The following PDE10A variants were observed in gnomAD, a reference collection of about 807,000 sequenced individuals.
PDE10A encodes the protein cAMP and cAMP-inhibited cGMP 3',5'-cyclic phosphodiesterase 10A.
A neutral mutation model predicts 97.7 loss-of-function variants in PDE10A; 39 were observed. That is an observed-to-expected ratio of 0.40 (90% CI 0.31 to 0.52). The LOEUF (loss-of-function observed/expected upper bound fraction) is 0.52, where lower values mean the gene tolerates loss of function less well. Among genes scored for constraint, PDE10A ranks in the 20% least tolerant of loss-of-function variants. The pLI, the probability that PDE10A is intolerant of heterozygous loss-of-function variation, is 0.56. For synonymous variants in PDE10A, 371 were observed against 376.8 expected (o/e 0.98, Z 0.18); for missense variants, 731 against 1,047.8 (o/e 0.70, Z 4.17).
At chr6:165,633,762 G>A (rs370143748) in intron 1 of PDE10A, among the ~76,000 whole-genome samples, 8 of 150,832 alleles carry the variant, frequency 5.3e-5, no homozygotes, top group African/African-American at 1.5e-4. Flanking sequence ...CGAGCAGCTG[G>A]GACTACAGGT....
chr6:165,948,302 G>T (rs541988684), intron 1 of PDE10A: 4 of 152,298 alleles, frequency 2.6e-5, no homozygotes, highest in African/African-American at 9.6e-5. Flanking sequence ...ATCAGGCAAA[G>T]AAAGTATAAA....
intron 1 of PDE10A, among the ~76,000 whole-genome samples, chr6:165,944,701 C>T (rs1783706548): frequency 6.6e-6 from 1 of 152,178 alleles, no homozygotes; most frequent in Admixed American, 6.5e-5. Context: ...AACTAACTGC[C>T]TGTGGTATGC....
intron 11 of PDE10A, among the ~76,000 whole-genome samples, chr6:165,417,687 T>C (rs2128229984): frequency 6.6e-6 from 1 of 152,180 alleles, no homozygotes; most frequent in South Asian, 2.1e-4. Context: ...CAAGTACCAA[T>C]ATAGTGCCTA....
At chr6:165,568,575 A>C (rs776057687) in intron 1 of PDE10A, among the ~76,000 whole-genome samples, 6 of 152,124 alleles carry the variant, frequency 3.9e-5, no homozygotes, top group Non-Finnish European at 7.4e-5. Context: ...CTTTGTAGCC[A>C]TCTTGCTTAT....
intron 1 of PDE10A, among the ~76,000 whole-genome samples, chr6:165,954,610 C>T (rs1056824196): frequency 1.3e-5 from 2 of 152,094 alleles, no homozygotes; most frequent in East Asian, 1.9e-4. Flanking sequence ...AGGGTCTCTC[C>T]GTCCTCCCTC....
Position 165,789,474 on chromosome 6 carries a change from C to T in PDE10A, c.-615+198055G>A, listed in dbSNP as rs975052428. On this transcript the variant is annotated intron_variant, in intron 1 of 19. Transcript: ENST00000366882. The stretch of plus-strand genomic sequence containing the variant: ...TAAATTTGTGAATCGTTCCTGGGGG[C>T]CTGAATGTACAATGAAAAAGTTTAT... 3.3e-5 allele frequency among the ~76,000 whole-genome samples: 5 copies of T among 152,164 alleles called. No homozygotes were observed. In the South Asian group the frequency reaches 1.0e-3, roughly 32 times the overall value.
chr6:165,470,097 C>T (rs956687391), intron 3 of PDE10A, among the ~76,000 whole-genome samples: 14 of 152,148 alleles, frequency 9.2e-5, no homozygotes, highest in Non-Finnish European at 1.9e-4. Context: ...ATACAAAAGG[C>T]TTATTTGGCT....
intron 1 of PDE10A, among the ~76,000 whole-genome samples, chr6:165,828,533 T>A (rs1314406882): frequency 6.6e-6 from 1 of 152,212 alleles, no homozygotes. Context: ...TACTCACATA[T>A]GTGCATTAAC....
At chr6:165,935,176 A>G (rs74726173) in intron 1 of PDE10A, among the ~76,000 whole-genome samples, 436 of 152,370 alleles carry the variant, frequency 2.9e-3, no homozygotes, top group African/African-American at 0.01. Flanking sequence ...AACAGACTCT[A>G]TCAGCAAGAG....
At chr6:165,515,230 A>G (rs1781723676) in intron 2 of PDE10A, among the ~76,000 whole-genome samples, 1 of 152,160 alleles carries the variant, frequency 6.6e-6, no homozygotes, top group Admixed American at 6.5e-5. Context: ...AATGTTTTTA[A>G]GGTCATAAGT....
chr6:165,749,997 T>C (rs1327212029), intron 1 of PDE10A, among the ~76,000 whole-genome samples: 3 of 152,220 alleles, frequency 2.0e-5, no homozygotes, highest in Non-Finnish European at 4.4e-5. Context: ...ACTGTTTTGA[T>C]ACTTCCTGGT....
At chr6:165,515,758 A>G (rs1483912563) in intron 2 of PDE10A, among the ~76,000 whole-genome samples, 1 of 152,032 alleles carries the variant, frequency 6.6e-6, no homozygotes, top group African/African-American at 2.4e-5. Context: ...TCCTGACCTC[A>G]TGATCCGCCC....
At chr6:165,657,309 G>C (rs1790015725) in intron 1 of PDE10A, among the ~76,000 whole-genome samples, 1 of 152,238 alleles carries the variant, frequency 6.6e-6, no homozygotes, top group Non-Finnish European at 1.5e-5. Context: ...TCACTGTGGA[G>C]TTTTCCTTTA....
At chr6:165,534,042 G>A (rs1583484773) in intron 2 of PDE10A, among the ~76,000 whole-genome samples, 2 of 152,060 alleles carry the variant, frequency 1.3e-5, no homozygotes, top group African/African-American at 4.8e-5. Context: ...CAATTTTATG[G>A]TGGTATGCTC....
At chr6:165,952,469 A>G (rs1783994791) in intron 1 of PDE10A, among the ~76,000 whole-genome samples, 1 of 152,240 alleles carries the variant, frequency 6.6e-6, no homozygotes, top group South Asian at 2.1e-4. Flanking sequence ...ACCGTTTCTT[A>G]GTTTTACACA....
chr6:165,450,392 CAG>C (rs768058560), intron 3 of PDE10A, 30 bp from the exon 4 acceptor site: 12 of 1,391,366 alleles, frequency 8.6e-6, no homozygotes, highest in East Asian at 7.0e-5. Context: ...AAAATAAAAA[CAG>C]AGTTTAAATA....
intron 1 of PDE10A, among the ~76,000 whole-genome samples, chr6:165,796,666 C>A (rs957953754): frequency 6.6e-6 from 1 of 152,140 alleles, no homozygotes; most frequent in African/African-American, 2.4e-5. Flanking sequence ...CATCTACAAT[C>A]AACTCTCCTC....
intron 3 of PDE10A, among the ~76,000 whole-genome samples, chr6:165,478,551 G>C (rs1779424609): frequency 6.6e-6 from 1 of 152,310 alleles, no homozygotes; most frequent in Middle Eastern, 3.4e-3. Context: ...CCTGACTCTA[G>C]TATAGCAGCA....
At chr6:165,347,145 T>C (rs1471713487) in intron 18 of PDE10A, among the ~76,000 whole-genome samples, 1 of 152,152 alleles carries the variant, frequency 6.6e-6, no homozygotes, top group Non-Finnish European at 1.5e-5. Flanking sequence ...TTTTAAATCA[T>C]TGGGTTGAGT....
Sources: gnomAD v4.1 joint callset for allele counts (sites outside exome capture counted in the v4.1 genomes callset) on GRCh38, gnomAD v4.1.1 for gene constraint, MANE v1.5 for transcripts, NCBI Gene and HGNC (gene_info 2026-07-23, HGNC 2026-07-21) for gene names.